KCNJ3: variants seen among roughly 807,000 people sequenced by gnomAD.
The protein encoded by KCNJ3 is G protein-activated inward rectifier potassium channel 1.
A neutral mutation model predicts 39.2 loss-of-function variants in KCNJ3; 4 were observed. That is an observed-to-expected ratio of 0.10 (90% CI 0.05 to 0.23). The LOEUF is 0.23. KCNJ3 is among the 10% of genes least tolerant of loss of function. The pLI, the probability that KCNJ3 is intolerant of heterozygous loss-of-function variation, is 1.00. For synonymous variants in KCNJ3, 230 were observed against 237.4 expected (o/e 0.97, Z 0.29); for missense variants, 276 against 634.9 (o/e 0.43, Z 6.08).
chr2:154,701,034 T>C (rs1285898093), intron 1 of KCNJ3, among the ~76,000 whole-genome samples: 2 of 152,176 alleles, frequency 1.3e-5, no homozygotes, highest in Non-Finnish European at 2.9e-5. Flanking sequence ...TAACTTAGTG[T>C]ATTGTTATTG....
chr2:154,807,170 G>T (rs1475744849), intron 2 of KCNJ3, among the ~76,000 whole-genome samples: 2 of 152,132 alleles, frequency 1.3e-5, no homozygotes, highest in Non-Finnish European at 2.9e-5. Flanking sequence ...TTGAATAGTG[G>T]CCTTTTCCAG....
chr2:154,747,009 A>G (rs1685756535), intron 2 of KCNJ3, among the ~76,000 whole-genome samples: 1 of 151,932 alleles, frequency 6.6e-6, no homozygotes, highest in South Asian at 2.1e-4. Context: ...TTGCTGTTGA[A>G]AGAACAGGGA....
rs543049750 is a variant in KCNJ3 at position 154,718,758 on chromosome 2, T to TAAC, written c.919+8941_919+8943dup. The stretch of plus-strand genomic sequence containing the variant: ...TGCAGTGTTTTATAGAAAATTTAAT[T>TAAC]AACACAGCCCTTAACATCTTAGAGT... On this transcript the variant is annotated intron_variant, in intron 2 of 2. Transcript: ENST00000295101. 1.4e-3 allele frequency among the ~76,000 whole-genome samples: 212 copies of TAAC among 152,272 alleles called. 1 individual carries two copies. Among genetic ancestry groups the TAAC allele is most frequent in the Non-Finnish European group, 2.4e-3 (166 of 68,012 alleles).
intron 2 of KCNJ3, among the ~76,000 whole-genome samples, chr2:154,756,932 A>G (rs1375918582): frequency 2.0e-5 from 3 of 151,980 alleles, no homozygotes; most frequent in Admixed American, 2.0e-4. Context: ...ACTGAAATAC[A>G]CTCTTGGAAA....
intron 2 of KCNJ3, among the ~76,000 whole-genome samples, chr2:154,788,488 A>T (rs1351338218): frequency 4.6e-5 from 7 of 152,120 alleles, no homozygotes; most frequent in African/African-American, 1.7e-4. Flanking sequence ...AAAGCAATTT[A>T]CTGGTTAGAA....
intron 2 of KCNJ3, among the ~76,000 whole-genome samples, chr2:154,839,697 T>C (rs1472677059): frequency 6.6e-6 from 1 of 152,234 alleles, no homozygotes; most frequent in African/African-American, 2.4e-5. Flanking sequence ...ATGATGAGCA[T>C]TTTTTCATAT....
chr2:154,768,423 GCA>G (rs1453630059), intron 2 of KCNJ3, among the ~76,000 whole-genome samples: 1 of 152,110 alleles, frequency 6.6e-6, no homozygotes, highest in Non-Finnish European at 1.5e-5. Flanking sequence ...AGTTTTCCCA[GCA>G]CCATTTATTA....
intron 2 of KCNJ3, among the ~76,000 whole-genome samples, chr2:154,752,345 A>T (rs973130008): frequency 6.6e-6 from 1 of 152,042 alleles, no homozygotes; most frequent in Non-Finnish European, 1.5e-5. Context: ...TAATAACAAC[A>T]TAAACTACCA....
chr2:154,716,775 G>T (rs1685188676), intron 2 of KCNJ3, among the ~76,000 whole-genome samples: 1 of 152,142 alleles, frequency 6.6e-6, no homozygotes, highest in South Asian at 2.1e-4. Flanking sequence ...GTAGAACCTA[G>T]TAAAAACATT....
At chr2:154,845,407 C>T (rs1221279581) in intron 2 of KCNJ3, among the ~76,000 whole-genome samples, 1 of 152,090 alleles carries the variant, frequency 6.6e-6, no homozygotes, top group Non-Finnish European at 1.5e-5. Context: ...GTGTGAGCCA[C>T]CACACCGGGC....
At chr2:154,726,466 G>A (rs1183360417) in intron 2 of KCNJ3, among the ~76,000 whole-genome samples, 1 of 152,048 alleles carries the variant, frequency 6.6e-6, no homozygotes, top group African/African-American at 2.4e-5. Flanking sequence ...AATAATAGAT[G>A]TTAGTGTGGA....
chr2:154,825,355 C>T (rs1358802983), intron 2 of KCNJ3, among the ~76,000 whole-genome samples: 4 of 152,048 alleles, frequency 2.6e-5, no homozygotes, highest in Non-Finnish European at 5.9e-5. Flanking sequence ...CTTAGGTCCA[C>T]GAGTGGGAAT....
intron 2 of KCNJ3, among the ~76,000 whole-genome samples, chr2:154,821,832 G>A (rs140277683): frequency 2.0e-5 from 3 of 151,976 alleles, no homozygotes; most frequent in African/African-American, 7.2e-5. Flanking sequence ...GTAGAGACCA[G>A]GTTTCACTAT....
intron 2 of KCNJ3, among the ~76,000 whole-genome samples, chr2:154,756,455 T>C (rs1466682268): frequency 1.3e-5 from 2 of 152,162 alleles, no homozygotes; most frequent in Non-Finnish European, 2.9e-5. Flanking sequence ...GAGTAATATT[T>C]TCATAGTGCC....
intron 2 of KCNJ3, among the ~76,000 whole-genome samples, chr2:154,778,507 G>T (rs1686378004): frequency 6.6e-6 from 1 of 152,164 alleles, no homozygotes; most frequent in African/African-American, 2.4e-5. Flanking sequence ...GTCAGGGAGT[G>T]TTATTTATAA....
intron 1 of KCNJ3, among the ~76,000 whole-genome samples, chr2:154,708,108 T>G (rs74846748): frequency 0.039 from 5,870 of 151,920 alleles, 188 homozygotes; most frequent in Non-Finnish European, 0.052. Flanking sequence ...GTAATCATTT[T>G]TTTCATAGCC....
chr2:154,799,391 T>G (rs1686772292), intron 2 of KCNJ3, among the ~76,000 whole-genome samples: 1 of 152,182 alleles, frequency 6.6e-6, no homozygotes, highest in South Asian at 2.1e-4. Context: ...CCCAAAGTGC[T>G]GGGATTACAG....
intron 2 of KCNJ3, among the ~76,000 whole-genome samples, chr2:154,757,019 C>T (rs1685950008): frequency 6.6e-6 from 1 of 151,730 alleles, no homozygotes. Flanking sequence ...AATAGGATAA[C>T]TTCACAATTC....
intron 2 of KCNJ3, among the ~76,000 whole-genome samples, chr2:154,760,305 AC>A (rs1686015067): frequency 6.6e-6 from 1 of 152,108 alleles, no homozygotes; most frequent in African/African-American, 2.4e-5. Context: ...TTATTTACTG[AC>A]TTGTAGGAGA....
Sources: gnomAD v4.1 joint callset for allele counts (sites outside exome capture counted in the v4.1 genomes callset) on GRCh38, gnomAD v4.1.1 for gene constraint, MANE v1.5 for transcripts, NCBI Gene and HGNC (gene_info 2026-07-23, HGNC 2026-07-21) for gene names.